Variants in STK32B observed in about 807,000 individuals in gnomAD.
STK32B encodes serine/threonine kinase 32B.
Under a neutral mutation model 52.6 loss-of-function variants are expected in STK32B, and 43 were observed. The ratio of observed to expected loss-of-function variants is 0.82; its 90% CI spans 0.64 to 1.05. The LOEUF (loss-of-function observed/expected upper bound fraction) is 1.05. Ranked by LOEUF, STK32B falls within the 50% of genes least tolerant of loss-of-function variation. The probability of loss-of-function intolerance (pLI) is 0.00; values close to 1 mark genes in which losing one functional copy is unlikely to be tolerated. For synonymous variants in STK32B, 238 were observed against 204.3 expected, an observed-to-expected ratio of 1.17 and a Z score of -1.41; for missense variants, 621 against 534.6, an observed-to-expected ratio of 1.16 and a Z score of -1.59.
At position 5,485,435 on chromosome 4, in the gene STK32B, C is replaced by G. The variant is rs559322613; in HGVS notation, c.1107-13510C>G. On this transcript the variant is annotated intron_variant, in intron 11 of 11. Coordinates refer to ENST00000282908, the MANE Select transcript of STK32B (RefSeq NM_018401.3). Reference sequence around the variant, plus strand: ...AGTTCTCGTGCCATGGTTTTCAGCTCTATCAGGTCCTTTAAGGACTTCTCT... The same window carrying G: ...AGTTCTCGTGCCATGGTTTTCAGCTGTATCAGGTCCTTTAAGGACTTCTCT... 4.6e-5 allele frequency among the ~76,000 whole-genome samples: 7 copies of G among 152,264 alleles called. No homozygotes were observed. In the South Asian group the frequency reaches 1.2e-3, roughly 27 times the overall value.
At chr4:5,166,654 G>C (rs575132913) in intron 2 of STK32B, among the ~76,000 whole-genome samples, 1 of 151,762 alleles carries the variant, frequency 6.6e-6, no homozygotes, top group Non-Finnish European at 1.5e-5. Context: ...AGAGGCAGAG[G>C]AGGATCCCCC....
chr4:5,421,076 CTTGTTTTTGTTTTTGTTT>C (rs10522352), intron 6 of STK32B, among the ~76,000 whole-genome samples: 11 of 143,198 alleles, frequency 7.7e-5, no homozygotes, highest in African/African-American at 1.8e-4. Context: ...ATTTTTGTAT[CTTGTTTTTGTTTTTGTTT>C]TTGTTTTTGT....
At chr4:5,079,145 C>T (rs1415798837) in intron 1 of STK32B, among the ~76,000 whole-genome samples, 1 of 152,094 alleles carries the variant, frequency 6.6e-6, no homozygotes, top group Admixed American at 6.5e-5. Context: ...ATGTTTTAAA[C>T]TCTTAAAAAT....
rs190383287 is a variant in STK32B, at chr4:5,381,539, A to T, written c.435-16668A>T. ...CGTGCAGTAGCCAGTTCAGTGTGGC[A>T]TGGAAAATGTGGTCAGCACATGCTA... On this transcript the variant is annotated intron_variant, in intron 4 of 11. Coordinates refer to ENST00000282908, the MANE Select transcript of STK32B (RefSeq NM_018401.3). Among the ~76,000 whole-genome samples the T allele has an allele frequency of 6.6e-5, 10 of 152,358 alleles. No individual in the cohort carries two copies. The East Asian group carries it at 1.5e-3, about 23-fold the overall frequency.
intron 7 of STK32B, among the ~76,000 whole-genome samples, chr4:5,447,721 A>G (rs757006004): frequency 3.0e-4 from 46 of 152,234 alleles, no homozygotes; most frequent in Non-Finnish European, 2.6e-4. Context: ...TCACTTCACC[A>G]TGTCTCAGGA....
At position 5,403,386 on chromosome 4, in the gene STK32B, C is replaced by A. The variant is rs376995827; in HGVS notation, c.472+5142C>A. 1.5e-3 allele frequency among the ~76,000 whole-genome samples: 221 copies of A among 152,302 alleles called. 3 individuals carry two copies. Among genetic ancestry groups the A allele is most frequent in the South Asian group, 9.7e-3 (47 of 4,828 alleles). Reference sequence around the variant, plus strand: ...TCTGCTAACCTTGCCTCACCCATTCCTTCCCATGGAAACCACAATAAAGGC... The same window carrying A: ...TCTGCTAACCTTGCCTCACCCATTCATTCCCATGGAAACCACAATAAAGGC... On this transcript the variant is annotated intron_variant, in intron 5 of 11. Transcript: ENST00000282908.
chr4:5,079,687 C>A (rs1467157167), intron 1 of STK32B, among the ~76,000 whole-genome samples: 1 of 152,160 alleles, frequency 6.6e-6, no homozygotes, highest in East Asian at 1.9e-4. Flanking sequence ...TACTCTTCCA[C>A]CCCTCATTTC....
the STK32B span, among the ~76,000 whole-genome samples, chr4:5,024,308 C>T: frequency 2.0e-5 from 3 of 152,192 alleles, no homozygotes; most frequent in Non-Finnish European, 4.4e-5. Flanking sequence ...AAGAGCACAG[C>T]CAAGGCTTCC....
intron 3 of STK32B, among the ~76,000 whole-genome samples, chr4:5,183,720 C>T (rs544195545): frequency 2.0e-5 from 3 of 152,184 alleles, no homozygotes; most frequent in Admixed American, 1.3e-4. Flanking sequence ...TGTCAATGAC[C>T]GTAGCAAGAT....
chr4:5,309,493 A>T (rs1032260020), intron 3 of STK32B, among the ~76,000 whole-genome samples: 1 of 152,224 alleles, frequency 6.6e-6, no homozygotes, highest in Non-Finnish European at 1.5e-5. Flanking sequence ...AGTATACCAT[A>T]AAACTATAGT....
intron 9 of STK32B, among the ~76,000 whole-genome samples, chr4:5,463,875 T>C (rs1251854349): frequency 8.5e-5 from 13 of 152,186 alleles, no homozygotes; most frequent in Admixed American, 8.5e-4. Flanking sequence ...CAGTTGCCAG[T>C]CTCAGCAGAA....
At chr4:5,445,604 A>AT (rs1158014475) in intron 6 of STK32B, among the ~76,000 whole-genome samples, 3 of 152,168 alleles carry the variant, frequency 2.0e-5, no homozygotes, top group Admixed American at 6.5e-5. Context: ...ACCCTGAAGA[A>AT]TAAGGGTCCA....
rs567920124 is a variant in STK32B, at chr4:5,374,168, C to T, written c.435-24039C>T. 1.7e-3 allele frequency among the ~76,000 whole-genome samples: 259 copies of T among 152,284 alleles called. 1 individual carries two copies. Among genetic ancestry groups the T allele is most frequent in the African/African-American group, 5.1e-3 (212 of 41,564 alleles). ...GAAACTGAAAGAGGCAAGAAGAGTT[C>T]TCCCTTAGAACTTCAGGGTAACACC... On this transcript the variant is annotated intron_variant, in intron 4 of 11. Coordinates refer to ENST00000282908, the MANE Select transcript of STK32B (RefSeq NM_018401.3).
At chr4:5,149,147 A>G (rs1221111743) in intron 2 of STK32B, among the ~76,000 whole-genome samples, 1 of 151,874 alleles carries the variant, frequency 6.6e-6, no homozygotes. Context: ...ACATGAATTT[A>G]TATAGCCGTT....
At chr4:5,374,100 G>C (rs950889731) in intron 4 of STK32B, among the ~76,000 whole-genome samples, 8 of 152,214 alleles carry the variant, frequency 5.3e-5, no homozygotes, top group African/African-American at 9.6e-5. Flanking sequence ...AAGCAGGGAA[G>C]TGAGTGATGC....
chr4:5,315,605 A>G (rs1316051472), intron 3 of STK32B, among the ~76,000 whole-genome samples: 1 of 152,148 alleles, frequency 6.6e-6, no homozygotes, highest in African/African-American at 2.4e-5. Context: ...CTAATTATTA[A>G]TACCTCTGGA....
chr4:5,485,983 G>A (rs1719159527), intron 11 of STK32B, among the ~76,000 whole-genome samples: 1 of 152,218 alleles, frequency 6.6e-6, no homozygotes, highest in Non-Finnish European at 1.5e-5. Flanking sequence ...CGTGTGAGGT[G>A]TCAGTCTGCC....
At chr4:5,254,406 A>T (rs1258647759) in intron 3 of STK32B, among the ~76,000 whole-genome samples, 1 of 152,116 alleles carries the variant, frequency 6.6e-6, no homozygotes, top group African/African-American at 2.4e-5. Flanking sequence ...CCCCTTAAAA[A>T]ATTATGTCCT....
chr4:5,141,752 G>A (rs1035373324), intron 2 of STK32B, among the ~76,000 whole-genome samples: 8 of 152,014 alleles, frequency 5.3e-5, no homozygotes, highest in Admixed American at 4.6e-4. Context: ...ATAGGTATAG[G>A]GGGTCTCTGC....
Sources: gnomAD v4.1 joint callset for allele counts (sites outside exome capture counted in the v4.1 genomes callset) on GRCh38, gnomAD v4.1.1 for gene constraint, MANE v1.5 for transcripts, NCBI Gene and HGNC (gene_info 2026-07-23, HGNC 2026-07-21) for gene names.